The following SGCZ variants were observed in gnomAD, a reference collection of about 807,000 sequenced individuals.
The protein encoded by SGCZ is zeta-sarcoglycan.
In SGCZ, 40 loss-of-function variants were observed where a neutral mutation model predicts 41.3. That is an observed-to-expected ratio of 0.97 (90% confidence interval 0.75 to 1.26). The LOEUF is 1.26. SGCZ is among the 50% of genes most tolerant of loss of function. SGCZ has a pLI of 0.00. For synonymous variants in SGCZ, 206 were observed against 137.5 expected (o/e 1.50, Z -3.49); for missense variants, 552 against 369.8 (o/e 1.49, Z -4.04).
intron 1 of SGCZ, among the ~76,000 whole-genome samples, chr8:14,831,540 A>G (rs973654080): frequency 1.3e-5 from 2 of 151,928 alleles, no homozygotes; most frequent in African/African-American, 4.8e-5. Flanking sequence ...TAGACACACA[A>G]CTTTGGGAAA....
At chr8:15,050,820 T>C (rs911789807) in intron 1 of SGCZ, among the ~76,000 whole-genome samples, 3 of 151,904 alleles carry the variant, frequency 2.0e-5, no homozygotes, top group Non-Finnish European at 1.5e-5. Flanking sequence ...TAACCAGAAG[T>C]GGTAGATAAA....
chr8:14,571,272 G>C (rs11203629), intron 1 of SGCZ, among the ~76,000 whole-genome samples: 20,787 of 152,144 alleles, frequency 0.14, 1,533 homozygotes, highest in East Asian at 0.31. Context: ...CCTTCCACCA[G>C]GTCACTCCCT....
chr8:14,583,800 T>C (rs905125695), intron 1 of SGCZ, among the ~76,000 whole-genome samples: 15 of 150,540 alleles, frequency 1.0e-4, no homozygotes, highest in African/African-American at 3.4e-4. Flanking sequence ...TATTCAATTT[T>C]ATTCAAAATA....
chr8:14,725,100 T>G (rs1810008150), intron 1 of SGCZ, among the ~76,000 whole-genome samples: 1 of 152,160 alleles, frequency 6.6e-6, no homozygotes, highest in Non-Finnish European at 1.5e-5. Context: ...CACACAGTAT[T>G]TGTCTTTCTG....
At chr8:14,611,892 G>C (rs1463448367) in intron 1 of SGCZ, among the ~76,000 whole-genome samples, 5 of 152,128 alleles carry the variant, frequency 3.3e-5, no homozygotes, top group South Asian at 2.1e-4. Flanking sequence ...ATGAGCCATT[G>C]CAGTACATAT....
intron 1 of SGCZ, among the ~76,000 whole-genome samples, chr8:14,659,541 T>C (rs1218022826): frequency 6.6e-6 from 1 of 152,228 alleles, no homozygotes; most frequent in African/African-American, 2.4e-5. Flanking sequence ...CATAATAATT[T>C]TGGTAGCCAA....
chr8:14,158,899 G>T (rs1487972602), intron 5 of SGCZ, among the ~76,000 whole-genome samples: 1 of 152,050 alleles, frequency 6.6e-6, no homozygotes, highest in African/African-American at 2.4e-5. Flanking sequence ...CTCTCGAGTA[G>T]CTGGGACTAC....
At chr8:14,369,419 G>A (rs1803832443) in intron 2 of SGCZ, among the ~76,000 whole-genome samples, 2 of 151,898 alleles carry the variant, frequency 1.3e-5, no homozygotes, top group East Asian at 1.9e-4. Context: ...GTCTTTATCA[G>A]GAATGCCAGG....
chr8:14,325,195 A>G (rs1295650746), intron 2 of SGCZ, among the ~76,000 whole-genome samples: 1 of 152,162 alleles, frequency 6.6e-6, no homozygotes, highest in Admixed American at 6.5e-5. Context: ...AGTACTGTTT[A>G]GGGCTAACTG....
At chr8:14,601,856 C>A (rs1805598604) in intron 1 of SGCZ, among the ~76,000 whole-genome samples, 1 of 152,152 alleles carries the variant, frequency 6.6e-6, no homozygotes, top group Non-Finnish European at 1.5e-5. Flanking sequence ...CGCGGTGGCT[C>A]ACGCCTGTAA....
At chr8:14,981,639 C>G (rs934163113) in intron 1 of SGCZ, among the ~76,000 whole-genome samples, 4 of 152,252 alleles carry the variant, frequency 2.6e-5, no homozygotes, top group Non-Finnish European at 2.9e-5. Flanking sequence ...TGTGGTCCAA[C>G]TCACATGATG....
intron 2 of SGCZ, among the ~76,000 whole-genome samples, chr8:14,499,075 T>A: frequency 6.6e-6 from 1 of 152,004 alleles, no homozygotes; most frequent in Non-Finnish European, 1.5e-5. Context: ...TTTGACCTCT[T>A]ATTATTTTAT....
At chr8:14,779,191 C>A (rs1049287186) in intron 1 of SGCZ, among the ~76,000 whole-genome samples, 6 of 152,062 alleles carry the variant, frequency 3.9e-5, no homozygotes, top group Admixed American at 3.9e-4. Context: ...CCTATATAAC[C>A]AATAGATTAT....
chr8:14,964,910 A>T (rs1175186298), intron 1 of SGCZ, among the ~76,000 whole-genome samples: 1 of 152,080 alleles, frequency 6.6e-6, no homozygotes, highest in Non-Finnish European at 1.5e-5. Flanking sequence ...GCATCTTTTG[A>T]ACTGACTGAA....
chr8:14,803,058 C>T (rs992484273), intron 1 of SGCZ, among the ~76,000 whole-genome samples: 1 of 152,150 alleles, frequency 6.6e-6, no homozygotes, highest in African/African-American at 2.4e-5. Context: ...TAAATTTATT[C>T]CTGTATTACT....
intron 1 of SGCZ, among the ~76,000 whole-genome samples, chr8:14,725,603 T>G (rs973434737): frequency 1.3e-5 from 2 of 152,194 alleles, no homozygotes; most frequent in African/African-American, 4.8e-5. Flanking sequence ...CACAAATTGA[T>G]AACAATGTGA....
intron 3 of SGCZ, among the ~76,000 whole-genome samples, chr8:14,257,470 A>G (rs112859862): frequency 2.9e-4 from 43 of 146,456 alleles, no homozygotes; most frequent in African/African-American, 9.9e-4. Context: ...TCCAAAAAGT[A>G]CATTTTAACG....
intron 4 of SGCZ, among the ~76,000 whole-genome samples, chr8:14,231,556 A>ATT (rs146103105): frequency 5.0e-4 from 75 of 150,490 alleles, no homozygotes; most frequent in Non-Finnish European, 9.5e-4. Context: ...TTAAGTCTAG[A>ATT]TTTTTTTTTT....
intron 2 of SGCZ, among the ~76,000 whole-genome samples, chr8:14,511,368 C>T (rs781550861): frequency 6.6e-6 from 1 of 151,860 alleles, no homozygotes; most frequent in Non-Finnish European, 1.5e-5. Context: ...TCCCAATAGG[C>T]CCACTGCACA....
Sources: allele counts gnomAD v4.1 joint callset (sites outside exome capture counted in the v4.1 genomes callset), GRCh38; gene constraint gnomAD v4.1.1; transcripts MANE v1.5; gene names NCBI Gene and HGNC (gene_info 2026-07-23, HGNC 2026-07-21).